The following SPAG16 variants were observed in gnomAD, a reference collection of about 807,000 sequenced individuals.
SPAG16 encodes sperm associated antigen 16, also known as sperm-associated antigen 16 protein.
A neutral mutation model predicts 80.4 loss-of-function variants in SPAG16; 86 were observed. That is an observed-to-expected ratio of 1.07 (90% CI 0.90 to 1.28). The LOEUF is 1.28. Among genes scored for constraint, SPAG16 ranks in the 50% most tolerant of loss-of-function variants. The pLI, the probability that SPAG16 is intolerant of heterozygous loss-of-function variation, is 0.00. For synonymous variants in SPAG16, 294 were observed against 265.9 expected, an observed-to-expected ratio of 1.11 and a Z score of -1.03; for missense variants, 870 against 765.3, an observed-to-expected ratio of 1.14 and a Z score of -1.61.
intron 10 of SPAG16, among the ~76,000 whole-genome samples, chr2:213,737,598 C>G (rs1486886997): frequency 6.6e-6 from 1 of 151,710 alleles, no homozygotes; most frequent in Non-Finnish European, 1.5e-5. Flanking sequence ...CGCCATTCTC[C>G]TGCCTCAGCC....
chr2:213,515,359 GA>G (rs1359559422), intron 10 of SPAG16, among the ~76,000 whole-genome samples: 1 of 152,036 alleles, frequency 6.6e-6, no homozygotes, highest in African/African-American at 2.4e-5. Context: ...TCACATTGAT[GA>G]CTTCCTTTTA....
chr2:213,315,654 A>T (rs2063370641), intron 4 of SPAG16, among the ~76,000 whole-genome samples: 1 of 149,914 alleles, frequency 6.7e-6, no homozygotes, highest in African/African-American at 2.5e-5. Context: ...TCTCAGACGT[A>T]CTCTCAGTTT....
At chr2:213,995,093 C>T (rs2046456199) in intron 12 of SPAG16, among the ~76,000 whole-genome samples, 1 of 152,210 alleles carries the variant, frequency 6.6e-6, no homozygotes, top group Admixed American at 6.5e-5. Flanking sequence ...GAAGACTTCT[C>T]ATGCGTCCTC....
intron 13 of SPAG16, among the ~76,000 whole-genome samples, chr2:214,043,098 C>A (rs1482401689): frequency 6.6e-6 from 1 of 151,692 alleles, no homozygotes; most frequent in Non-Finnish European, 1.5e-5. Flanking sequence ...CATATCAGAT[C>A]CTGTATTTTC....
intron 15 of SPAG16, among the ~76,000 whole-genome samples, chr2:214,319,200 C>CA (rs140486125): frequency 9.1e-5 from 13 of 142,242 alleles, no homozygotes; most frequent in Non-Finnish European, 1.8e-4. Context: ...CACACACACA[C>CA]CACACACACA....
chr2:214,214,929 A>G (rs1406532853), intron 15 of SPAG16, among the ~76,000 whole-genome samples: 1 of 151,470 alleles, frequency 6.6e-6, no homozygotes, highest in East Asian at 1.9e-4. Context: ...GGGTCACCAG[A>G]GCCTAAGGTT....
intron 15 of SPAG16, among the ~76,000 whole-genome samples, chr2:214,304,230 G>A (rs1348450135): frequency 3.3e-5 from 5 of 152,242 alleles, no homozygotes; most frequent in Non-Finnish European, 5.9e-5. Flanking sequence ...CCAAAATCTG[G>A]CCATAAACTG....
intron 15 of SPAG16, among the ~76,000 whole-genome samples, chr2:214,301,284 C>CA (rs1694533106): frequency 6.7e-6 from 1 of 149,020 alleles, no homozygotes; most frequent in Admixed American, 6.7e-5. Flanking sequence ...TAAAAACCCT[C>CA]AAAATCTAGG....
intron 15 of SPAG16, among the ~76,000 whole-genome samples, chr2:214,271,588 G>C (rs13015722): frequency 0.4 from 60,365 of 152,012 alleles, 14,638 homozygotes; most frequent in South Asian, 0.57. Flanking sequence ...ATCACCTGAG[G>C]TCAGGAGTTT....
intron 12 of SPAG16, among the ~76,000 whole-genome samples, chr2:213,980,574 GTA>G (rs1202847839): frequency 9.3e-6 from 1 of 107,236 alleles, no homozygotes; most frequent in African/African-American, 3.1e-5. Context: ...TATATAGAGA[GTA>G]TATGTATATA....
intron 9 of SPAG16, among the ~76,000 whole-genome samples, chr2:213,377,742 G>T (rs561806523): frequency 3.3e-5 from 5 of 152,042 alleles, no homozygotes; most frequent in Admixed American, 6.6e-5. Flanking sequence ...AATTAAAGAC[G>T]AATGGAAGAG....
At chr2:213,338,906 T>G (rs947979428) in intron 5 of SPAG16, among the ~76,000 whole-genome samples, 1 of 151,504 alleles carries the variant, frequency 6.6e-6, no homozygotes, top group African/African-American at 2.4e-5. Flanking sequence ...TTAGGAAAAA[T>G]AGCGAACGTA....
At chr2:213,832,135 T>A (rs2073701796) in intron 10 of SPAG16, among the ~76,000 whole-genome samples, 1 of 151,968 alleles carries the variant, frequency 6.6e-6, no homozygotes, top group Admixed American at 6.6e-5. Flanking sequence ...GTAGCTGGGA[T>A]TACAGGCACT....
chr2:213,584,017 C>A (rs1576074650), intron 10 of SPAG16, among the ~76,000 whole-genome samples: 1 of 152,246 alleles, frequency 6.6e-6, no homozygotes, highest in Non-Finnish European at 1.5e-5. Flanking sequence ...ATGGACTAAC[C>A]TTTGTAGAAA....
intron 15 of SPAG16, among the ~76,000 whole-genome samples, chr2:214,360,358 T>C (rs1408152633): frequency 6.6e-6 from 1 of 151,902 alleles, no homozygotes; most frequent in African/African-American, 2.4e-5. Flanking sequence ...AGTCTGGGTG[T>C]TGACATGTCA....
intron 15 of SPAG16, among the ~76,000 whole-genome samples, chr2:214,270,559 CATG>C (rs1325705123): frequency 6.6e-6 from 1 of 152,168 alleles, no homozygotes; most frequent in Non-Finnish European, 1.5e-5. Context: ...CTCCTGACTA[CATG>C]TCCAACTTTA....
At chr2:213,877,033 A>G (rs891753575) in intron 11 of SPAG16, among the ~76,000 whole-genome samples, 3 of 152,126 alleles carry the variant, frequency 2.0e-5, no homozygotes, top group African/African-American at 7.2e-5. Context: ...CTTTTCAACT[A>G]TTTTGCTCAT....
intron 10 of SPAG16, among the ~76,000 whole-genome samples, chr2:213,679,138 C>G (rs1263730047): frequency 6.6e-6 from 1 of 152,108 alleles, no homozygotes; most frequent in Non-Finnish European, 1.5e-5. Flanking sequence ...AATGTCTAAC[C>G]TAATTCTAAA....
At chr2:213,884,558 G>A (rs566020967) in intron 11 of SPAG16, among the ~76,000 whole-genome samples, 2 of 152,242 alleles carry the variant, frequency 1.3e-5, no homozygotes, top group East Asian at 3.9e-4. Context: ...AAATTAGGGA[G>A]ATTTTCATGG....
Sources: allele counts gnomAD v4.1 joint callset (sites outside exome capture counted in the v4.1 genomes callset), GRCh38; gene constraint gnomAD v4.1.1; transcripts MANE v1.5; gene names NCBI Gene and HGNC (gene_info 2026-07-23, HGNC 2026-07-21).